Variants in NCKAP5 observed in about 807,000 individuals in gnomAD.
The protein encoded by NCKAP5 is nck-associated protein 5.
In NCKAP5, 92 loss-of-function variants were observed where a neutral mutation model predicts 167.0. The observed-to-expected ratio is 0.55, with a 90% confidence interval of 0.47 to 0.66. The LOEUF (loss-of-function observed/expected upper bound fraction) is 0.66, where lower values mean the gene tolerates loss of function less well. Ranked by LOEUF, NCKAP5 falls within the 30% of genes least tolerant of loss-of-function variation. The probability of loss-of-function intolerance (pLI) is 0.00; values close to 1 mark genes in which losing one functional copy is unlikely to be tolerated. For synonymous variants in NCKAP5, 891 were observed against 877.4 expected (o/e 1.02, Z -0.27); for missense variants, 2,378 against 2,315.0 (o/e 1.03, Z -0.56).
At chr2:133,219,074 G>A (rs2086550353) in intron 4 of NCKAP5, among the ~76,000 whole-genome samples, 1 of 152,216 alleles carries the variant, frequency 6.6e-6, no homozygotes, top group Admixed American at 6.5e-5. Context: ...CTAGCCACTT[G>A]ATTTGGTGAA....
At chr2:133,107,059 A>C (rs2081730603) in intron 6 of NCKAP5, among the ~76,000 whole-genome samples, 1 of 151,980 alleles carries the variant, frequency 6.6e-6, no homozygotes, top group Admixed American at 6.6e-5. Context: ...GTAGAGTTGT[A>C]AAAAAAAGTC....
At chr2:133,392,603 A>G (rs1687487553) in intron 3 of NCKAP5, among the ~76,000 whole-genome samples, 2 of 152,222 alleles carry the variant, frequency 1.3e-5, no homozygotes, top group Non-Finnish European at 2.9e-5. Flanking sequence ...TTCACAACCT[A>G]GAACAATGGC....
chr2:133,215,971 C>T (rs1002240803), intron 4 of NCKAP5, among the ~76,000 whole-genome samples: 3 of 151,918 alleles, frequency 2.0e-5, no homozygotes, highest in Non-Finnish European at 4.4e-5. Flanking sequence ...TTACTAGCAA[C>T]AAACAATTGG....
chr2:132,878,749 T>C, intron 9 of NCKAP5, 99 bp downstream of exon 9: 1 of 871,514 alleles, frequency 1.1e-6, no homozygotes, highest in South Asian at 1.4e-5. Context: ...AAAATGCTGA[T>C]GTTTTGTGGA....
chr2:132,733,906 A>G lies in NCKAP5; in HGVS notation c.5129-1855T>C, dbSNP rs117002120. On this transcript the variant is annotated intron_variant, in intron 16 of 19. Transcript: ENST00000409261. The stretch of plus-strand genomic sequence containing the variant: ...TAGGAAGATGAAGTCCCTACTCAAG[A>G]GGCTTCAATCTTCACAGGGATATTT... 6.0e-4 allele frequency among the ~76,000 whole-genome samples: 92 copies of G among 152,290 alleles called. No homozygotes were observed. In the East Asian group the frequency reaches 0.014, roughly 24 times the overall value.
intron 6 of NCKAP5, among the ~76,000 whole-genome samples, chr2:133,069,719 T>C (rs1439523416): frequency 6.6e-6 from 1 of 152,156 alleles, no homozygotes; most frequent in Non-Finnish European, 1.5e-5. Flanking sequence ...GCAAGGTAGT[T>C]GTTTGAACAC....
At chr2:133,194,096 C>T (rs1373279091) in intron 5 of NCKAP5, among the ~76,000 whole-genome samples, 2 of 152,032 alleles carry the variant, frequency 1.3e-5, no homozygotes, top group Non-Finnish European at 2.9e-5. Context: ...ATGATGTTCT[C>T]ATTAGTATGC....
intron 11 of NCKAP5, among the ~76,000 whole-genome samples, chr2:132,844,811 T>C (rs1238740418): frequency 6.6e-6 from 1 of 152,154 alleles, no homozygotes; most frequent in Non-Finnish European, 1.5e-5. Context: ...AATTGCTAAG[T>C]CAAAGAGTAG....
chr2:132,876,612 A>T (rs1020730619), intron 9 of NCKAP5, among the ~76,000 whole-genome samples: 4 of 152,212 alleles, frequency 2.6e-5, no homozygotes, highest in African/African-American at 9.7e-5. Flanking sequence ...ACCCTCATGT[A>T]ATTAGTTATA....
chr2:132,992,633 A>C (rs1573661919), intron 7 of NCKAP5, among the ~76,000 whole-genome samples: 1 of 152,208 alleles, frequency 6.6e-6, no homozygotes, highest in Non-Finnish European at 1.5e-5. Flanking sequence ...ACTTTGTACC[A>C]AAGCAGTTAT....
At chr2:133,162,990 A>G (rs2083859241) in intron 5 of NCKAP5, among the ~76,000 whole-genome samples, 2 of 152,338 alleles carry the variant, frequency 1.3e-5, no homozygotes, top group South Asian at 4.1e-4. Flanking sequence ...AAGGAGAAGT[A>G]TAAAAGAGAA....
Position 132,860,478 on chromosome 2 carries a change from A to C in NCKAP5, c.807+14T>G, listed in dbSNP as rs1022220904. ...ATTTCAGTAGCAAAGATTGTTTTCCAGATAAACACATACCTGGAGGAGCAG... is the reference window on the plus strand; with the variant it reads ...ATTTCAGTAGCAAAGATTGTTTTCCCGATAAACACATACCTGGAGGAGCAG... On this transcript the variant is annotated intron_variant, in intron 11 of 19. Transcript: ENST00000409261. The C allele has an allele frequency of 6.4e-7, 1 of 1,557,722 alleles. No homozygotes were observed. The highest frequency in any genetic ancestry group is 2.4e-5 in the East Asian group (1 of 42,092).
chr2:133,645,459 A>T, the NCKAP5 span, among the ~76,000 whole-genome samples: 1 of 152,196 alleles, frequency 6.6e-6, no homozygotes, highest in Admixed American at 6.5e-5. Context: ...TAAAATATAG[A>T]TGTACAGTTG....
Position 132,714,297 on chromosome 2 carries a change from G to A in NCKAP5, c.5713+11330C>T, listed in dbSNP as rs181956615. Among the ~76,000 whole-genome samples, 31 of 152,256 alleles carry A rather than the reference G, an allele frequency of 2.0e-4. 1 individual carries two copies. In the East Asian group the frequency reaches 3.3e-3, roughly 16 times the overall value. Reference sequence around the variant, plus strand: ...TAGTCAATAGTTTTTAAGGTCCCTGGGTTCCCCTCTCTCCCTCTGACATCC... The same window carrying A: ...TAGTCAATAGTTTTTAAGGTCCCTGAGTTCCCCTCTCTCCCTCTGACATCC... On this transcript the variant is annotated intron_variant, in intron 19 of 19. Transcript: ENST00000409261.
At chr2:132,690,257 G>A (rs979862489) in intron 19 of NCKAP5, among the ~76,000 whole-genome samples, 12 of 152,154 alleles carry the variant, frequency 7.9e-5, no homozygotes, top group African/African-American at 2.9e-4. Context: ...GTGTCTACAT[G>A]GTCCCAGCAT....
At chr2:132,772,145 C>T (rs1682129530) in intron 16 of NCKAP5, among the ~76,000 whole-genome samples, 1 of 152,000 alleles carries the variant, frequency 6.6e-6, no homozygotes, top group Admixed American at 6.6e-5. Flanking sequence ...ATCATATAGC[C>T]TAGGTATGTA....
At chr2:133,039,101 C>T (rs180791863) in intron 6 of NCKAP5, among the ~76,000 whole-genome samples, 8 of 152,250 alleles carry the variant, frequency 5.3e-5, no homozygotes, top group South Asian at 2.1e-4. Flanking sequence ...AAGGTTTGAG[C>T]GGCTCCAGCA....
At chr2:132,882,437 T>A (rs1412508612) in intron 8 of NCKAP5, among the ~76,000 whole-genome samples, 2 of 152,168 alleles carry the variant, frequency 1.3e-5, no homozygotes, top group Admixed American at 6.5e-5. Flanking sequence ...TCTTCCTTTT[T>A]GTATGGTTAG....
intron 6 of NCKAP5, among the ~76,000 whole-genome samples, chr2:133,092,653 C>T (rs1280051656): frequency 3.3e-5 from 5 of 152,096 alleles, no homozygotes; most frequent in South Asian, 4.1e-4. Flanking sequence ...CATTATGCAT[C>T]GTTTTGCCTA....
Sources: allele counts gnomAD v4.1 joint callset (sites outside exome capture counted in the v4.1 genomes callset), GRCh38; gene constraint gnomAD v4.1.1; transcripts MANE v1.5; gene names NCBI Gene and HGNC (gene_info 2026-07-23, HGNC 2026-07-21).